Variants in UPF1 observed in about 807,000 individuals in gnomAD.
The protein encoded by UPF1 is UPF1 RNA helicase and ATPase.
Under a neutral mutation model 129.2 loss-of-function variants are expected in UPF1, and 9 were observed. The ratio of observed to expected loss-of-function variants is 0.07; its 90% confidence interval spans 0.04 to 0.12. The LOEUF is 0.12. Ranked by LOEUF, UPF1 falls within the 10% of genes least tolerant of loss-of-function variation. UPF1 has a pLI of 1.00. For missense variants in UPF1, 788 were observed against 1,525.3 expected (o/e 0.52, Z 8.05); for synonymous variants, 649 against 644.9 (o/e 1.01, Z -0.10).
At chr19:18,848,064 T>A in intron 3 of UPF1, 3 of 465,646 alleles carry the variant, frequency 6.4e-6, no homozygotes, top group Non-Finnish European at 1.2e-5. Flanking sequence ...TAGGGTTGGC[T>A]TAATTCTCCT....
At position 18,853,647 on chromosome 19, in the gene UPF1, G is replaced by A. The variant is rs1339146434; in HGVS notation, c.1156+297G>A. ...TTAATGTATGCCGCTTGTGTGGCACGTCCCTGGACTGACTCTGGAGGTTAA... is the reference window on the plus strand; with the variant it reads ...TTAATGTATGCCGCTTGTGTGGCACATCCCTGGACTGACTCTGGAGGTTAA... On this transcript the variant is annotated intron_variant, in intron 8 of 23. Coordinates refer to ENST00000262803, the MANE Select transcript of UPF1 (RefSeq NM_002911.4). The surrounding 1 kb of genome is among the most constrained non-coding windows in gnomAD (Gnocchi z 4.4). Among the ~76,000 whole-genome samples, 6 of 152,198 alleles carry A rather than the reference G, an allele frequency of 3.9e-5. No homozygotes were observed. The highest frequency in any genetic ancestry group is 1.4e-4 in the African/African-American group (6 of 41,454).
At chr19:18,863,246 C>A in intron 18 of UPF1, 192 bp from the exon 19 acceptor site, 1 of 665,940 alleles carries the variant, frequency 1.5e-6, no homozygotes, top group Non-Finnish European at 2.5e-6. Flanking sequence ...CAAAATCAAC[C>A]CGTGTGCAGG....
intron 1 of UPF1, among the ~76,000 whole-genome samples, chr19:18,842,827 C>G (rs917037684): frequency 4.6e-5 from 7 of 151,982 alleles, no homozygotes; most frequent in Non-Finnish European, 1.0e-4. Flanking sequence ...TGGAGAAACC[C>G]TGTCTCTACT....
intron 19 of UPF1, 132 bp downstream of exon 19, chr19:18,863,744 A>C: frequency 3.3e-6 from 3 of 897,892 alleles, no homozygotes; most frequent in Non-Finnish European, 3.1e-6. Flanking sequence ...GGGCTCTCCT[A>C]GGGGAGGGTG....
At chr19:18,849,710 G>GTCGCCGTATCAGT in intron 3 of UPF1, 1 of 235,668 alleles carries the variant, frequency 4.2e-6, no homozygotes, top group Non-Finnish European at 8.4e-6. Flanking sequence ...GTTGACCTTG[G>GTCGCCGTATCAGT]AAAGAAGGGG....
Position 18,853,615 on chromosome 19 carries a change from C to G in UPF1, c.1156+265C>G, listed in dbSNP as rs759416791. ...TGTGTGGCGCGTCCCTGGGCTGACT[C>G]TGGAAGTTAATGTATGCCGCTTGTG... On this transcript the variant is annotated intron_variant, in intron 8 of 23. Coordinates refer to ENST00000262803, the MANE Select transcript of UPF1 (RefSeq NM_002911.4). This position sits in a 1 kb window ranked among gnomAD's most constrained non-coding sequence, Gnocchi z 4.4. Among the ~76,000 whole-genome samples the G allele has an allele frequency of 6.6e-6, 1 of 152,184 alleles. No individual in the cohort carries two copies. Among genetic ancestry groups the G allele is most frequent in the Non-Finnish European group, 1.5e-5 (1 of 68,038 alleles).
At chr19:18,856,734 C>T in intron 13 of UPF1, 143 bp from the exon 14 acceptor site, 2 of 1,246,384 alleles carry the variant, frequency 1.6e-6, no homozygotes, top group Non-Finnish European at 2.2e-6. Flanking sequence ...GACCATGTAT[C>T]TTGTCTGGGA....
At chr19:18,840,416 C>T (rs1440583175) in intron 1 of UPF1, among the ~76,000 whole-genome samples, 1 of 152,158 alleles carries the variant, frequency 6.6e-6, no homozygotes, top group African/African-American at 2.4e-5. Context: ...GGGGAGGCAC[C>T]GTCCTGAGGG....
At chr19:18,836,043 TTTC>T (rs1329900729) in intron 1 of UPF1, among the ~76,000 whole-genome samples, 1 of 152,164 alleles carries the variant, frequency 6.6e-6, no homozygotes. Flanking sequence ...TAACACTCCT[TTTC>T]TTGTTTATGA....
At chr19:18,834,861 C>T (rs1353105072) in intron 1 of UPF1, among the ~76,000 whole-genome samples, 2 of 152,072 alleles carry the variant, frequency 1.3e-5, no homozygotes, top group Non-Finnish European at 2.9e-5. Flanking sequence ...TCTCATTCTG[C>T]TTTTTTAATT....
At chr19:18,859,150 C>T (rs1482884195) in intron 15 of UPF1, among the ~76,000 whole-genome samples, 2 of 152,230 alleles carry the variant, frequency 1.3e-5, no homozygotes, top group African/African-American at 4.8e-5. Context: ...AGAGACCTAG[C>T]TTGTGCTCTG....
At chr19:18,847,864 A>G in intron 3 of UPF1, 31 bp downstream of exon 3, 1 of 1,599,988 alleles carries the variant, frequency 6.3e-7, no homozygotes, top group Non-Finnish European at 8.6e-7. Flanking sequence ...TGTGTGTTTA[A>G]TCAGTGCTGT....
chr19:18,865,765 C>T lies in UPF1; in HGVS notation c.3224C>T (p.Pro1075Leu), dbSNP rs767300705. ...ATGAGCCAGCCCGGCCTCTCCCAGC[C>T]GGAGCTGTCCCAGGTGAGCCCGCCC... Reference protein sequence around the residue: ...SQMSQPGLSQPELSQDSYLGD... With the variant: ...SQMSQPGLSQLELSQDSYLGD... Residue 1075 changes from proline to leucine, a missense_variant, in exon 22 of 24, where the codon CCG becomes CTG. Physicochemically the swap from Pro to Leu is moderately conservative, Grantham distance 98. Coordinates refer to ENST00000262803, the MANE Select transcript of UPF1 (RefSeq NM_002911.4). The surrounding 1 kb of genome is among the most constrained non-coding windows in gnomAD (Gnocchi z 6.1). 7.4e-6 allele frequency: 12 copies of T among 1,612,988 alleles called. No individual in the cohort carries two copies. The highest frequency in any genetic ancestry group is 1.1e-5 in the South Asian group (1 of 91,078).
intron 15 of UPF1, 48 bp downstream of exon 15, chr19:18,857,581 C>T (rs748296924): frequency 6.6e-7 from 1 of 1,524,004 alleles, no homozygotes; most frequent in African/African-American, 1.4e-5. Context: ...GAAGCGGCAT[C>T]AAGGGAATGT....
chr19:18,857,681 C>A, intron 15 of UPF1, 148 bp downstream of exon 15: 1 of 929,990 alleles, frequency 1.1e-6, no homozygotes. Context: ...TGCCCAAGGT[C>A]TTGATGGTAT....
rs552386273 is a variant in UPF1, at chr19:18,866,183, C to T, written c.*3+17C>T. 4 of 1,563,148 alleles carry T rather than the reference C, an allele frequency of 2.6e-6. No homozygotes were observed. The African/African-American group carries it at 4.1e-5, about 16-fold the overall frequency. On this transcript the variant is annotated intron_variant, in intron 23 of 23. Transcript: ENST00000262803. ...TATTAAAAGGCAAGCCCCCCTGGAG[C>T]AGGCCTGGCCCCACCCCAGCCTCAA...
At chr19:18,864,031 T>C in intron 19 of UPF1, 139 bp from the exon 20 acceptor site, 1 of 767,420 alleles carries the variant, frequency 1.3e-6, no homozygotes, top group Non-Finnish European at 2.3e-6. Flanking sequence ...AGCAGCTCCC[T>C]CCTGTCTCCA....
rs1370367515 is a variant in UPF1 at position 18,867,084 on chromosome 19, A to ATTC, written c.*570_*572dup. On this transcript the variant is annotated 3_prime_UTR_variant, in exon 24 of 24. Coordinates refer to ENST00000262803, the MANE Select transcript of UPF1 (RefSeq NM_002911.4). ...GGTTTTTCTCTTTGTTTTTTTCAAGATTCTTTTAAAGGAGTACTGAAGAAT... is the reference window on the plus strand; with the variant it reads ...GGTTTTTCTCTTTGTTTTTTTCAAGATTCTTCTTTTAAAGGAGTACTGAAGAAT... 1 of 152,514 alleles carries ATTC rather than the reference A, an allele frequency of 6.6e-6. No homozygotes were observed. Among genetic ancestry groups the ATTC allele is most frequent in the Non-Finnish European group, 1.5e-5 (1 of 68,028 alleles). 9.4% of individuals were successfully genotyped at this position (152,514 alleles called of 1,614,324 possible). A position where few individuals can be genotyped will look rare whatever the true frequency, so the allele number is the denominator to read the frequency against.
At position 18,860,339 on chromosome 19, in the gene UPF1, G is replaced by A; in HGVS notation, c.2201G>A (p.Gly734Glu). Reference sequence around the variant, plus strand: ...CTCACAGCGGATCGTGTGAAGAAGGGATTTGACTTCCAGTGGCCCCAACCC... The same window carrying A: ...CTCACAGCGGATCGTGTGAAGAAGGAATTTGACTTCCAGTGGCCCCAACCC... ...GVTAADRVKK[G>E]FDFQWPQPDK... The change falls in exon 16 of 24, where the codon GGA becomes GAA. Residue 734 changes from glycine to glutamate, a missense_variant. By Grantham distance (98) the Gly-to-Glu change is moderately conservative. Transcript: ENST00000262803. The A allele has an allele frequency of 6.2e-7, 1 of 1,614,142 alleles. No individual in the cohort carries two copies. The highest frequency in any genetic ancestry group is 8.5e-7 in the Non-Finnish European group (1 of 1,180,028).
Sources: gnomAD v4.1 joint callset for allele counts (sites outside exome capture counted in the v4.1 genomes callset) on GRCh38, gnomAD v4.1.1 for gene constraint, Gnocchi (gnomAD v3.1) non-coding constraint, MANE v1.5 for transcripts, NCBI Gene and HGNC (gene_info 2026-07-23, HGNC 2026-07-21) for gene names.